Variants in CLTC observed in about 807,000 individuals in gnomAD.
CLTC encodes the protein clathrin heavy chain 1.
CLTC carries 16 observed loss-of-function variants against 195.8 expected under a neutral mutation model. The ratio of observed to expected loss-of-function variants is 0.08; its 90% CI spans 0.06 to 0.12. The LOEUF (loss-of-function observed/expected upper bound fraction) is 0.12, where lower values mean the gene tolerates loss of function less well. Ranked by LOEUF, CLTC falls within the 10% of genes least tolerant of loss-of-function variation. The pLI is 1.00. For missense variants in CLTC, 796 were observed against 2,027.0 expected, an observed-to-expected ratio of 0.39 and a Z score of 11.66; for synonymous variants, 667 against 689.4, an observed-to-expected ratio of 0.97 and a Z score of 0.51.
At position 59,655,066 on chromosome 17, in the gene CLTC, T is replaced by A. The variant is rs2032431471; in HGVS notation, c.796-788T>A. On this transcript the variant is annotated intron_variant, in intron 5 of 31. Transcript: ENST00000269122. ...TAGCACTTTAATTTCCTTCAAGAAT[T>A]TTCCTTTGTATTCACAACTTGGCTA... 2.0e-5 allele frequency among the ~76,000 whole-genome samples: 3 copies of A among 152,220 alleles called. 1 individual carries two copies. The South Asian group carries it at 6.2e-4, about 31-fold the overall frequency.
At chr17:59,640,439 C>G (rs927558909) in intron 1 of CLTC, among the ~76,000 whole-genome samples, 5 of 150,924 alleles carry the variant, frequency 3.3e-5, no homozygotes, top group African/African-American at 1.2e-4. Context: ...CTCTGTCACT[C>G]AGGCTGGAGT....
intron 5 of CLTC, among the ~76,000 whole-genome samples, chr17:59,655,211 T>C (rs1192182918): frequency 1.3e-5 from 2 of 152,214 alleles, no homozygotes; most frequent in African/African-American, 4.8e-5. Context: ...GCAATTGTAG[T>C]TATTATATTG....
Position 59,683,973 on chromosome 17 carries a change from A to G in CLTC, c.4422A>G (p.Glu1474=), listed in dbSNP as rs1598242774. Residue 1474 remains glutamate (E), a synonymous_variant, in exon 28 of 32, where the codon GAA becomes GAG. Transcript: ENST00000269122. This position sits in a 1 kb window ranked among gnomAD's most constrained non-coding sequence, Gnocchi z 6.1. ...NESLNNLFIT[E]EDYQALRTSI... ...CATTGAACAATCTTTTTATTACAGA[A>G]GAAGATTATCAGGTAAAACCTTTTG... 1 of 1,586,616 alleles carries G rather than the reference A, an allele frequency of 6.3e-7. No individual in the cohort carries two copies. Among genetic ancestry groups the G allele is most frequent in the Non-Finnish European group, 8.7e-7 (1 of 1,155,118 alleles).
intron 16 of CLTC, 115 bp downstream of exon 16, chr17:59,674,958 G>A: frequency 9.6e-7 from 1 of 1,046,750 alleles, no homozygotes; most frequent in Non-Finnish European, 1.4e-6. Flanking sequence ...ATAATTTCCT[G>A]AAGACACCTA....
In CLTC at chr17:59,694,820, T is replaced by C. The variant is rs2033385540; in HGVS notation, c.*968T>C. 4.4e-6 allele frequency: 1 copy of C among 226,014 alleles called. No homozygotes were observed. The highest frequency in any genetic ancestry group is 2.2e-5 in the African/African-American group (1 of 44,906). The allele number at this position is 226,014 out of a possible 1,614,324, so 14.0% of individuals were successfully genotyped here. ...ACCACTCAAACGAAAAGAACAGTAGTTTTTGTAGTTTTATATTGGATACTG... is the reference window on the plus strand; with the variant it reads ...ACCACTCAAACGAAAAGAACAGTAGCTTTTGTAGTTTTATATTGGATACTG... On this transcript the variant is annotated 3_prime_UTR_variant, in exon 32 of 32. Transcript: ENST00000269122.
intron 1 of CLTC, among the ~76,000 whole-genome samples, chr17:59,633,273 T>G (rs967825926): frequency 3.9e-5 from 6 of 152,126 alleles, no homozygotes; most frequent in African/African-American, 1.2e-4. Context: ...GGTGGATCAC[T>G]TGAGATCAGG....
intron 30 of CLTC, among the ~76,000 whole-genome samples, chr17:59,688,887 A>G (rs888901652): frequency 6.6e-6 from 1 of 152,160 alleles, no homozygotes; most frequent in Non-Finnish European, 1.5e-5. Flanking sequence ...ATATACAGGC[A>G]TCCATGTATT....
At position 59,674,696 on chromosome 17, in the gene CLTC, C is replaced by G. The variant is rs2032927211; in HGVS notation, c.2419-5C>G. On this transcript the variant is annotated splice_region_variant and splice_polypyrimidine_tract_variant and intron_variant, in intron 15 of 31. Transcript: ENST00000269122. The stretch of plus-strand genomic sequence containing the variant: ...TAACATTCTTCTACTTCTTTTTAAC[C>G]ACAGGTGAATCCAAGTCGACTTCCT... 1.2e-6 allele frequency: 2 copies of G among 1,603,540 alleles called. No homozygotes were observed. The highest frequency in any genetic ancestry group is 1.7e-6 in the Non-Finnish European group (2 of 1,175,342).
rs200379695 is a variant in CLTC, at chr17:59,648,435, A to T, written c.681+34A>T. On this transcript the variant is annotated intron_variant, in intron 4 of 31. Transcript: ENST00000269122. The surrounding 1 kb of genome is among the most constrained non-coding windows in gnomAD (Gnocchi z 4.5). ...TGGCTTTGGTAATTATTTTAATGAGAACTTGTATTTGGCTTTCTGCTATGA... is the reference window on the plus strand; with the variant it reads ...TGGCTTTGGTAATTATTTTAATGAGTACTTGTATTTGGCTTTCTGCTATGA... The T allele has an allele frequency of 8.7e-4, 1,372 of 1,584,194 alleles. No homozygotes were observed. The highest frequency in any genetic ancestry group is 1.1e-3 in the Non-Finnish European group (1,322 of 1,160,662).
At chr17:59,643,298 T>C (rs190289129) in intron 1 of CLTC, among the ~76,000 whole-genome samples, 9 of 152,210 alleles carry the variant, frequency 5.9e-5, no homozygotes, top group East Asian at 3.9e-4. Flanking sequence ...ACAACATAGT[T>C]AGTCACCCAG....
intron 1 of CLTC, among the ~76,000 whole-genome samples, chr17:59,629,181 C>T (rs967256447): frequency 1.3e-5 from 2 of 152,204 alleles, no homozygotes; most frequent in Non-Finnish European, 2.9e-5. Context: ...CCAGTCTCTG[C>T]AATATTCTAT....
intron 31 of CLTC, among the ~76,000 whole-genome samples, chr17:59,691,688 A>G (rs2033305070): frequency 6.7e-6 from 1 of 149,292 alleles, no homozygotes; most frequent in Non-Finnish European, 1.5e-5. Flanking sequence ...CAGGCTACTG[A>G]CACAAATAAT....
chr17:59,680,537 G>A (rs371306632), intron 18 of CLTC, among the ~76,000 whole-genome samples: 5 of 152,204 alleles, frequency 3.3e-5, no homozygotes, highest in East Asian at 3.9e-4. Flanking sequence ...GGGTGGGGGC[G>A]ATGGTTGGAA....
At chr17:59,664,342 A>C (rs892889371) in intron 9 of CLTC, among the ~76,000 whole-genome samples, 31 of 152,304 alleles carry the variant, frequency 2.0e-4, no homozygotes, top group African/African-American at 7.2e-4. Flanking sequence ...ACTTGAACTC[A>C]GGAATTTGAG....
rs868039848 is a variant in CLTC, at chr17:59,624,467, T to G, written c.42+4294T>G. Reference sequence around the variant, plus strand: ...ATGAGCCACATACTTTTTTTTTTTTTTTTTTTTTTTTTGAGACAGAGTCTC... The same window carrying G: ...ATGAGCCACATACTTTTTTTTTTTTGTTTTTTTTTTTTGAGACAGAGTCTC... On this transcript the variant is annotated intron_variant, in intron 1 of 31. Coordinates refer to ENST00000269122, the MANE Select transcript of CLTC (RefSeq NM_004859.4). Among the ~76,000 whole-genome samples, 1,411 of 144,246 alleles carry G rather than the reference T, an allele frequency of 9.8e-3. 15 individuals are homozygous for G. The highest frequency in any genetic ancestry group is 0.017 in the Non-Finnish European group (1,136 of 66,452). The allele number at this position is 144,246 out of a possible 152,430, so 94.6% of individuals were successfully genotyped here.
intron 31 of CLTC, among the ~76,000 whole-genome samples, chr17:59,690,999 A>G (rs2033284751): frequency 6.6e-6 from 1 of 152,228 alleles, no homozygotes; most frequent in Non-Finnish European, 1.5e-5. Context: ...AAATTACTGA[A>G]AAAGAAATAT....
At chr17:59,632,374 A>AG (rs1187304138) in intron 1 of CLTC, among the ~76,000 whole-genome samples, 3 of 151,834 alleles carry the variant, frequency 2.0e-5, no homozygotes, top group East Asian at 3.8e-4. Context: ...TCTCAAAAAA[A>AG]AAAAAAAAAG....
intron 1 of CLTC, among the ~76,000 whole-genome samples, chr17:59,638,773 T>C (rs2031944814): frequency 6.6e-6 from 1 of 152,188 alleles, no homozygotes; most frequent in Non-Finnish European, 1.5e-5. Flanking sequence ...CACCTTCTTC[T>C]GTGTGGCCCA....
Position 59,682,642 on chromosome 17 carries a change from G to C in CLTC, c.3614G>C (p.Cys1205Ser). Reference protein sequence around the residue: ...NAHIQQVGDRCYDEKMYDAAK... With the variant: ...NAHIQQVGDRSYDEKMYDAAK... ...TTTTTTTTCCAGGTTGGTGACCGTTGTTATGATGAAAAAATGTATGATGCT... is the reference window on the plus strand; with the variant it reads ...TTTTTTTTCCAGGTTGGTGACCGTTCTTATGATGAAAAAATGTATGATGCT... Residue 1205 changes from cysteine to serine, a missense_variant, in exon 23 of 32, where the codon TGT becomes TCT. Physicochemically the swap from Cys to Ser is moderately radical, Grantham distance 112. Transcript: ENST00000269122. The surrounding 1 kb of genome is among the most constrained non-coding windows in gnomAD (Gnocchi z 6.8). The C allele has an allele frequency of 3.1e-6, 5 of 1,613,872 alleles. No individual in the cohort carries two copies. The highest frequency in any genetic ancestry group is 1.1e-5 in the South Asian group (1 of 91,062).
Sources: allele counts gnomAD v4.1 joint callset (sites outside exome capture counted in the v4.1 genomes callset), GRCh38; gene constraint gnomAD v4.1.1; non-coding constraint Gnocchi (gnomAD v3.1); transcripts MANE v1.5; gene names NCBI Gene and HGNC (gene_info 2026-07-23, HGNC 2026-07-21).